Variants in DPP10 observed in about 807,000 individuals in gnomAD.
DPP10 encodes dipeptidyl peptidase like 10.
A neutral mutation model predicts 120.9 loss-of-function variants in DPP10; 33 were observed. That is an observed-to-expected ratio of 0.27 (90% CI 0.21 to 0.37). The LOEUF (loss-of-function observed/expected upper bound fraction) is 0.37, where lower values mean the gene tolerates loss of function less well. DPP10 is among the 10% of genes least tolerant of loss of function. The pLI is 1.00. For missense variants in DPP10, 816 were observed against 942.8 expected (o/e 0.87, Z 1.76); for synonymous variants, 337 against 326.1 (o/e 1.03, Z -0.36).
intron 1 of DPP10, among the ~76,000 whole-genome samples, chr2:115,027,713 G>A (rs1314772499): frequency 6.6e-6 from 1 of 152,016 alleles, no homozygotes; most frequent in Non-Finnish European, 1.5e-5. Context: ...TTGGTTCTGT[G>A]TTTAATGTTC....
chr2:114,640,539 C>G (rs1249560887), intron 1 of DPP10, among the ~76,000 whole-genome samples: 1 of 151,814 alleles, frequency 6.6e-6, no homozygotes, highest in South Asian at 2.1e-4. Context: ...CTCGTCATGC[C>G]TCAGGTCAAG....
intron 5 of DPP10, among the ~76,000 whole-genome samples, chr2:115,616,654 C>T (rs534855168): frequency 2.0e-5 from 3 of 152,090 alleles, no homozygotes; most frequent in Non-Finnish European, 2.9e-5. Context: ...TAACCTCTCT[C>T]TGGATAGGTG....
At chr2:115,007,084 A>G (rs1007015705) in intron 1 of DPP10, among the ~76,000 whole-genome samples, 1 of 152,162 alleles carries the variant, frequency 6.6e-6, no homozygotes, top group Non-Finnish European at 1.5e-5. Flanking sequence ...CTTCTCAACT[A>G]CATGGAAACT....
chr2:114,902,990 A>C (rs1693699438), intron 1 of DPP10, among the ~76,000 whole-genome samples: 1 of 152,086 alleles, frequency 6.6e-6, no homozygotes, highest in East Asian at 1.9e-4. Flanking sequence ...GAAACCACTA[A>C]TCTTTTTATT....
intron 15 of DPP10, among the ~76,000 whole-genome samples, chr2:115,780,251 T>C (rs1682592212): frequency 6.6e-6 from 1 of 151,972 alleles, no homozygotes; most frequent in South Asian, 2.1e-4. Context: ...AAAATAAAGA[T>C]GGTGATGACT....
At chr2:114,633,868 G>A (rs1012570581) in intron 1 of DPP10, among the ~76,000 whole-genome samples, 4 of 151,772 alleles carry the variant, frequency 2.6e-5, no homozygotes, top group African/African-American at 9.7e-5. Context: ...GCTGGCCTTA[G>A]CCTCACAAAG....
chr2:115,517,409 C>A (rs894317261), intron 4 of DPP10, among the ~76,000 whole-genome samples: 2 of 151,964 alleles, frequency 1.3e-5, no homozygotes, highest in Non-Finnish European at 2.9e-5. Context: ...TATATGTTTG[C>A]CTATATGATG....
chr2:114,672,316 A>G (rs981720909), intron 1 of DPP10, among the ~76,000 whole-genome samples: 2 of 152,134 alleles, frequency 1.3e-5, no homozygotes, highest in Non-Finnish European at 2.9e-5. Context: ...AATGGAAATA[A>G]TGTCATATTT....
At chr2:115,471,497 G>A (rs973739980) in intron 3 of DPP10, among the ~76,000 whole-genome samples, 10 of 152,056 alleles carry the variant, frequency 6.6e-5, no homozygotes, top group East Asian at 1.9e-4. Flanking sequence ...TTCCACCACC[G>A]GCTTCTGAGA....
intron 1 of DPP10, among the ~76,000 whole-genome samples, chr2:114,466,566 G>A (rs1384905822): frequency 6.6e-6 from 1 of 152,120 alleles, no homozygotes; most frequent in Non-Finnish European, 1.5e-5. Context: ...CATGGCCTCA[G>A]CTTTCTTTTG....
chr2:115,229,864 C>CTT (rs749155120), intron 1 of DPP10, among the ~76,000 whole-genome samples: 3 of 139,076 alleles, frequency 2.2e-5, no homozygotes, highest in Non-Finnish European at 4.7e-5. Context: ...TCTTTTCTTT[C>CTT]TTTTTTTTTT....
intron 1 of DPP10, among the ~76,000 whole-genome samples, chr2:114,700,776 G>T (rs899184312): frequency 3.3e-5 from 5 of 151,856 alleles, no homozygotes; most frequent in African/African-American, 1.2e-4. Flanking sequence ...TACCATAAAC[G>T]TCCCCTAACA....
At chr2:115,764,287 ATAAT>A (rs1680458598) in intron 12 of DPP10, among the ~76,000 whole-genome samples, 1 of 152,172 alleles carries the variant, frequency 6.6e-6, no homozygotes, top group Non-Finnish European at 1.5e-5. Context: ...AGGATTATAA[ATAAT>A]TGTTTGTCTG....
intron 2 of DPP10, among the ~76,000 whole-genome samples, chr2:115,338,236 A>C (rs555814953): frequency 7.9e-5 from 12 of 152,118 alleles, no homozygotes; most frequent in Non-Finnish European, 1.6e-4. Context: ...ATAGTATAAA[A>C]ATAAGAATTC....
At chr2:114,620,922 G>T (rs1558939396) in intron 1 of DPP10, among the ~76,000 whole-genome samples, 2 of 151,990 alleles carry the variant, frequency 1.3e-5, no homozygotes, top group Non-Finnish European at 2.9e-5. Context: ...TGGTGGAATT[G>T]GTAAAATAAG....
intron 3 of DPP10, among the ~76,000 whole-genome samples, chr2:115,464,439 CAAAA>C (rs1167348559): frequency 6.6e-6 from 1 of 150,826 alleles, no homozygotes; most frequent in African/African-American, 2.4e-5. Context: ...AACAAACAAA[CAAAA>C]AAAACAGCGG....
intron 1 of DPP10, among the ~76,000 whole-genome samples, chr2:114,981,379 C>T (rs566775390): frequency 2.7e-5 from 4 of 150,428 alleles, no homozygotes; most frequent in African/African-American, 4.9e-5. Context: ...TATCTTTTAC[C>T]GAAAAAAAAG....
rs370726041 is a variant in DPP10 at position 115,698,566 on chromosome 2, TCA to T, written c.576+8647_576+8648del. ...GGCTTAAAAAACAGAGGAAGATCTCTCACTCTTTCTCTTGCTCTTGCTGTCAC... is the reference window on the plus strand; with the variant it reads ...GGCTTAAAAAACAGAGGAAGATCTCTCTCTTTCTCTTGCTCTTGCTGTCAC... On this transcript the variant is annotated intron_variant, in intron 7 of 25. Transcript: ENST00000410059. 2.0e-4 allele frequency among the ~76,000 whole-genome samples: 30 copies of T among 152,276 alleles called. No individual in the cohort carries two copies. In the South Asian group the frequency reaches 6.2e-3, roughly 32 times the overall value.
At chr2:114,465,927 T>C (rs1230178602) in intron 1 of DPP10, among the ~76,000 whole-genome samples, 1 of 152,210 alleles carries the variant, frequency 6.6e-6, no homozygotes, top group Non-Finnish European at 1.5e-5. Flanking sequence ...TGGTATAGAA[T>C]GTTAAAATGT....
Sources: gnomAD v4.1 joint callset for allele counts (sites outside exome capture counted in the v4.1 genomes callset) on GRCh38, gnomAD v4.1.1 for gene constraint, MANE v1.5 for transcripts, NCBI Gene and HGNC (gene_info 2026-07-23, HGNC 2026-07-21) for gene names.